The following CREBRF variants were observed in gnomAD, a reference collection of about 807,000 sequenced individuals.
CREBRF encodes the protein CREB3 regulatory factor.
CREBRF carries 5 observed loss-of-function variants against 66.1 expected under a neutral mutation model. The ratio of observed to expected loss-of-function variants is 0.08; its 90% CI spans 0.04 to 0.16. The LOEUF (loss-of-function observed/expected upper bound fraction) is 0.16. Ranked by LOEUF, CREBRF falls within the 10% of genes least tolerant of loss-of-function variation. The pLI is 1.00. For missense variants in CREBRF, 531 were observed against 744.9 expected, an observed-to-expected ratio of 0.71 and a Z score of 3.34; for synonymous variants, 229 against 264.4, an observed-to-expected ratio of 0.87 and a Z score of 1.30.
intron 1 of CREBRF, among the ~76,000 whole-genome samples, chr5:173,068,312 C>T (rs1439413179): frequency 6.6e-6 from 1 of 152,152 alleles, no homozygotes; most frequent in Non-Finnish European, 1.5e-5. Flanking sequence ...AATAATCTGC[C>T]TCACTTGTTT....
chr5:173,081,998 GTTTAGTT>G (rs1757958530), intron 2 of CREBRF, among the ~76,000 whole-genome samples: 1 of 120,634 alleles, frequency 8.3e-6, no homozygotes, highest in South Asian at 3.0e-4. Context: ...CCCATTCAAG[GTTTAGTT>G]TTTTTTTTTT....
chr5:173,085,425 TTC>T, intron 2 of CREBRF: 1 of 887,948 alleles, frequency 1.1e-6, no homozygotes, highest in Non-Finnish European at 1.8e-6. Flanking sequence ...TTTTTTTTTT[TTC>T]TTTTTGGAGA....
chr5:173,105,223 A>G (rs961558926), intron 4 of CREBRF, among the ~76,000 whole-genome samples: 1 of 135,956 alleles, frequency 7.4e-6, no homozygotes, highest in African/African-American at 2.8e-5. Context: ...ATGTGTGTAT[A>G]TATGTGTGTG....
intron 6 of CREBRF, 120 bp downstream of exon 6, chr5:173,110,831 G>A: frequency 1.5e-6 from 1 of 684,958 alleles, no homozygotes; most frequent in Admixed American, 3.5e-5. Context: ...ATACTACAAT[G>A]AGAATATTAT....
intron 7 of CREBRF, among the ~76,000 whole-genome samples, chr5:173,115,084 G>A (rs1245033770): frequency 3.3e-5 from 5 of 150,654 alleles, no homozygotes; most frequent in Non-Finnish European, 7.4e-5. Context: ...ATTTTATAGT[G>A]TTTTTTCTTT....
chr5:173,071,492 G>A (rs181761385), intron 1 of CREBRF, among the ~76,000 whole-genome samples: 39 of 152,034 alleles, frequency 2.6e-4, no homozygotes, highest in African/African-American at 7.7e-4. Flanking sequence ...TTACAGGCAT[G>A]AGCCACCGTG....
At chr5:173,111,231 T>C (rs548065997) in intron 6 of CREBRF, among the ~76,000 whole-genome samples, 1 of 152,190 alleles carries the variant, frequency 6.6e-6, no homozygotes, top group Non-Finnish European at 1.5e-5. Flanking sequence ...CAGAATGTCA[T>C]GTACATGGAA....
At chr5:173,058,731 C>T (rs1304605923) in intron 1 of CREBRF, among the ~76,000 whole-genome samples, 1 of 151,258 alleles carries the variant, frequency 6.6e-6, no homozygotes, top group Non-Finnish European at 1.5e-5. Flanking sequence ...GTGATCCGCC[C>T]CCCTCGGCCT....
At chr5:173,111,322 A>G (rs1477046570) in intron 6 of CREBRF, among the ~76,000 whole-genome samples, 1 of 151,852 alleles carries the variant, frequency 6.6e-6, no homozygotes, top group Non-Finnish European at 1.5e-5. Context: ...TCACACAGGC[A>G]GTGGCCTGAT....
intron 8 of CREBRF, among the ~76,000 whole-genome samples, chr5:173,131,226 GT>G (rs1561584906): frequency 6.6e-6 from 1 of 152,136 alleles, no homozygotes; most frequent in African/African-American, 2.4e-5. Context: ...AAAATAACTC[GT>G]AAAAATCATG....
intron 1 of CREBRF, among the ~76,000 whole-genome samples, chr5:173,068,978 A>G (rs941636327): frequency 5.3e-5 from 8 of 151,956 alleles, no homozygotes; most frequent in South Asian, 4.2e-4. Flanking sequence ...AGGCTGAGGC[A>G]GGAGAATTGC....
chr5:173,085,605 C>G, intron 2 of CREBRF: 1 of 570,378 alleles, frequency 1.8e-6, no homozygotes, highest in Non-Finnish European at 3.1e-6. Flanking sequence ...TTAGTAGAGA[C>G]AGGGCTTCAC....
intron 7 of CREBRF, among the ~76,000 whole-genome samples, chr5:173,120,380 T>C (rs745765881): frequency 2.9e-4 from 44 of 149,798 alleles, no homozygotes; most frequent in Non-Finnish European, 5.1e-4. Context: ...TTTCTTTCTT[T>C]CTTTCTTTTT....
chr5:173,085,275 A>T (rs2113722154), intron 2 of CREBRF: 3 of 631,066 alleles, frequency 4.8e-6, no homozygotes, highest in South Asian at 4.1e-5. Flanking sequence ...AGTTTGATTT[A>T]AACACTGCTT....
chr5:173,113,684 C>T (rs1285247949), intron 7 of CREBRF, among the ~76,000 whole-genome samples: 10 of 152,176 alleles, frequency 6.6e-5, no homozygotes, highest in Admixed American at 5.2e-4. Context: ...AAGTGCTTCT[C>T]AGCATTTCAC....
Position 173,090,832 on chromosome 5 carries a change from A to G in CREBRF, c.653A>G (p.Asn218Ser), listed in dbSNP as rs1758304167. 3 of 1,614,184 alleles carry G rather than the reference A, an allele frequency of 1.9e-6. No individual in the cohort carries two copies. The highest frequency in any genetic ancestry group is 4.5e-5 in the East Asian group (2 of 44,884). ...TSSTQIMVKT[N>S]MYHNEKVNFH... ...AGCACACAAATCATGGTGAAGACCA[A>G]CATGTATCATAATGAAAAGGTGAAC... The change falls in exon 4 of 9, where the codon AAC becomes AGC. Residue 218 changes from asparagine to serine, a missense_variant. By Grantham distance (46) the Asn-to-Ser change is conservative (BLOSUM62 1). Coordinates refer to ENST00000296953, the MANE Select transcript of CREBRF (RefSeq NM_153607.3). The surrounding 1 kb of genome is among the most constrained non-coding windows in gnomAD (Gnocchi z 4.5).
chr5:173,074,987 G>C (rs1010726842), intron 1 of CREBRF, among the ~76,000 whole-genome samples: 1 of 152,188 alleles, frequency 6.6e-6, no homozygotes, highest in African/African-American at 2.4e-5. Flanking sequence ...CAGGTATACA[G>C]AGTTTGCAAG....
chr5:173,067,528 C>T (rs549401867), intron 1 of CREBRF, among the ~76,000 whole-genome samples: 5 of 152,130 alleles, frequency 3.3e-5, no homozygotes, highest in Admixed American at 3.3e-4. Flanking sequence ...ATTTTTTCCC[C>T]CAAAAGAGTG....
rs941406459 is a variant in CREBRF at position 173,056,414 on chromosome 5, T to C, written c.-257T>C. On this transcript the variant is annotated 5_prime_UTR_variant, in exon 1 of 9. It removes an upstream start codon present in the reference 5' UTR. Coordinates refer to ENST00000296953, the MANE Select transcript of CREBRF (RefSeq NM_153607.3). ...TAAACAAAACAAACCCGAGGCAGCATGGAGAGGGGCCGTGGCCCCTGCAGC... is the reference window on the plus strand; with the variant it reads ...TAAACAAAACAAACCCGAGGCAGCACGGAGAGGGGCCGTGGCCCCTGCAGC... 1 of 397,976 alleles carries C rather than the reference T, an allele frequency of 2.5e-6. No individual in the cohort carries two copies. The highest frequency in any genetic ancestry group is 4.4e-6 in the Non-Finnish European group (1 of 225,724). 24.7% of individuals were successfully genotyped at this position (397,976 alleles called of 1,614,324 possible). A position where few individuals can be genotyped will look rare whatever the true frequency, so the allele number is the denominator to read the frequency against.
Sources: allele counts gnomAD v4.1 joint callset (sites outside exome capture counted in the v4.1 genomes callset), GRCh38; gene constraint gnomAD v4.1.1; non-coding constraint Gnocchi (gnomAD v3.1); transcripts MANE v1.5; gene names NCBI Gene and HGNC (gene_info 2026-07-23, HGNC 2026-07-21).